The following TIPIN variants were observed in gnomAD, a reference collection of about 807,000 sequenced individuals.
TIPIN encodes TIMELESS interacting protein.
A neutral mutation model predicts 35.6 loss-of-function variants in TIPIN; 29 were observed. That is an observed-to-expected ratio of 0.82 (90% confidence interval 0.61 to 1.11). The LOEUF is 1.11. TIPIN is among the 50% of genes most tolerant of loss of function. The pLI is 0.00. For synonymous variants in TIPIN, 102 were observed against 121.5 expected (o/e 0.84, Z 1.06); for missense variants, 296 against 345.4 (o/e 0.86, Z 1.13).
upstream of TIPIN, among the ~76,000 whole-genome samples, chr15:66,359,170 C>G (rs867655655): frequency 2.6e-5 from 3 of 113,906 alleles, no homozygotes; most frequent in African/African-American, 1.3e-4. Context: ...CACACACACA[C>G]ACAGACACAC....
chr15:66,339,651 T>C (rs1461178428), intron 7 of TIPIN, among the ~76,000 whole-genome samples: 1 of 152,120 alleles, frequency 6.6e-6, no homozygotes, highest in Non-Finnish European at 1.5e-5. Flanking sequence ...GAGGATTGCT[T>C]GAGACTAGAA....
chr15:66,343,654 A>G (rs2093103396), intron 6 of TIPIN, among the ~76,000 whole-genome samples: 1 of 152,200 alleles, frequency 6.6e-6, no homozygotes, highest in Non-Finnish European at 1.5e-5. Flanking sequence ...GGAAATACTG[A>G]TAAGAGTATA....
chr15:66,366,185 G>C (rs547349607), intron 1 of TIPIN, among the ~76,000 whole-genome samples: 5 of 151,712 alleles, frequency 3.3e-5, no homozygotes, highest in East Asian at 3.9e-4. Context: ...GCCGGGCGCA[G>C]TGGCTCACAC....
intron 1 of TIPIN, among the ~76,000 whole-genome samples, chr15:66,374,156 G>C (rs994831648): frequency 4.6e-5 from 7 of 151,652 alleles, no homozygotes; most frequent in Non-Finnish European, 1.0e-4. Flanking sequence ...GGCTAGCCTT[G>C]AACTTCTGGG....
upstream of TIPIN, chr15:66,356,733 C>T: frequency 1.0e-6 from 1 of 985,408 alleles, no homozygotes; most frequent in African/African-American, 1.7e-5. Context: ...GAGAAGGGCC[C>T]GCAGCGTTTG....
Position 66,352,692 on chromosome 15 carries a change from A to C in TIPIN, c.133+123T>G, listed in dbSNP as rs2093176133. The C allele has an allele frequency of 8.5e-6, 9 of 1,054,644 alleles. No homozygotes were observed. In the African/African-American group the frequency reaches 9.6e-5, roughly 11 times the overall value. The allele number at this position is 1,054,644 out of a possible 1,614,324, so 65.3% of individuals were successfully genotyped here. A position where few individuals can be genotyped will look rare whatever the true frequency, so the allele number is the denominator to read the frequency against. On this transcript the variant is annotated intron_variant, in intron 2 of 7. Transcript: ENST00000261881. The stretch of plus-strand genomic sequence containing the variant: ...GAGACGGGATTTCACCATGTTGGCC[A>C]GGCTGGTCTCAAATTCCTGACCTTG...
At chr15:66,353,790 A>G (rs1016774904) in intron 1 of TIPIN, among the ~76,000 whole-genome samples, 4 of 152,022 alleles carry the variant, frequency 2.6e-5, no homozygotes, top group African/African-American at 9.7e-5. Context: ...TGCCTTACTT[A>G]ACTTCTCAAT....
chr15:66,384,418 C>G (rs1319536967), intron 1 of TIPIN, among the ~76,000 whole-genome samples: 1 of 152,042 alleles, frequency 6.6e-6, no homozygotes, highest in African/African-American at 2.4e-5. Context: ...CCTCAGCCTC[C>G]TGAGTAGCTG....
intron 1 of TIPIN, chr15:66,382,821 A>G (rs1431257891): frequency 4.3e-6 from 2 of 470,378 alleles, no homozygotes; most frequent in Non-Finnish European, 5.6e-6. Flanking sequence ...TATATGTTAC[A>G]GTGTTTATTA....
chr15:66,372,093 T>C lies in TIPIN; in HGVS notation c.-9+14514A>G, dbSNP rs28464912. On this transcript the variant is annotated intron_variant, in intron 1 of 7. Transcript: ENST00000562124. ...TACAGGCATAAGCCACTGTGCCTAG[T>C]TGGTAATTGTTTTACTGAAGGGTAA... 9.9e-5 allele frequency among the ~76,000 whole-genome samples: 15 copies of C among 152,246 alleles called. No individual in the cohort carries two copies. The East Asian group carries it at 1.9e-3, about 20-fold the overall frequency.
chr15:66,372,889 C>A (rs763483245), intron 1 of TIPIN, among the ~76,000 whole-genome samples: 4 of 151,136 alleles, frequency 2.6e-5, no homozygotes, highest in African/African-American at 9.7e-5. Flanking sequence ...GGTGACAGAG[C>A]AAGACCCCGT....
At chr15:66,376,953 C>A (rs529757805) in intron 1 of TIPIN, among the ~76,000 whole-genome samples, 5 of 151,214 alleles carry the variant, frequency 3.3e-5, no homozygotes, top group African/African-American at 9.7e-5. Context: ...TACTAACATA[C>A]AAAAATTAGC....
Position 66,352,880 on chromosome 15 carries a change from A to G in TIPIN, c.68T>C (p.Phe23Ser), listed in dbSNP as rs201530827. 6.2e-7 allele frequency: 1 copy of G among 1,614,096 alleles called. No homozygotes were observed. Reference protein sequence around the residue: ...PDYEHVEDETFPPFPPPASPE... With the variant: ...PDYEHVEDETSPPFPPPASPE... ...AGAGGCTGGAGGTGGGAAAGGAGGA[A>G]AAGTTTCATCTTCTACATGCTCATA... is the stretch of plus-strand genomic sequence containing the variant. Residue 23 changes from phenylalanine (F) to serine (S), a missense_variant, in exon 2 of 8, where the codon TTT (phenylalanine) becomes TCT (serine). Transcript: ENST00000261881.
rs562242607 is a variant in TIPIN at position 66,350,332 on chromosome 15, G to A, written c.289-895C>T. Among the ~76,000 whole-genome samples the A allele has an allele frequency of 5.3e-5, 8 of 152,210 alleles. No individual in the cohort carries two copies. The East Asian group carries it at 5.8e-4, about 11-fold the overall frequency. On this transcript the variant is annotated intron_variant, in intron 4 of 7. Coordinates refer to ENST00000261881, the MANE Select transcript of TIPIN (RefSeq NM_017858.3). Reference sequence around the variant, plus strand: ...AAAAACTTAATAAAGTTGGCCAGGCGCAGTGTCTCACGCCTGTAATCCCAG... The same window carrying A: ...AAAAACTTAATAAAGTTGGCCAGGCACAGTGTCTCACGCCTGTAATCCCAG...
At chr15:66,346,997 A>ATGT (rs2093130471) in intron 6 of TIPIN, among the ~76,000 whole-genome samples, 1 of 151,902 alleles carries the variant, frequency 6.6e-6, no homozygotes, top group African/African-American at 2.4e-5. Context: ...GGGTTTCACC[A>ATGT]TGTTAGCCAG....
chr15:66,372,624 G>C (rs1001946479), intron 1 of TIPIN, among the ~76,000 whole-genome samples: 1 of 152,132 alleles, frequency 6.6e-6, no homozygotes, highest in African/African-American at 2.4e-5. Flanking sequence ...ACAATAATAG[G>C]GCCGGGACCT....
chr15:66,370,583 C>A lies in TIPIN; in HGVS notation c.-9+16024G>T, dbSNP rs544433972. Among the ~76,000 whole-genome samples the A allele has an allele frequency of 1.3e-4, 20 of 151,984 alleles. No individual in the cohort carries two copies. The East Asian group carries it at 3.7e-3, about 28-fold the overall frequency. On this transcript the variant is annotated intron_variant, in intron 1 of 7. Transcript: ENST00000562124. ...TCAGTTACTCAATAGGAACAGCTGC[C>A]AAACTCACAGGAGCTTAAAAATCCA...
chr15:66,349,489 C>A (rs367998063), intron 4 of TIPIN, 52 bp from the exon 5 acceptor site: 2 of 1,576,552 alleles, frequency 1.3e-6, no homozygotes, highest in South Asian at 1.2e-5. Flanking sequence ...TCACAGCTGA[C>A]CCCGTCAGCA....
At chr15:66,356,858 G>C (rs1241023463), upstream of TIPIN, 1 of 334,152 alleles carries the variant, frequency 3.0e-6, no homozygotes, top group Admixed American at 6.5e-5. Context: ...GAATTCTTCA[G>C]AGGAACTCAG....
Sources: allele counts gnomAD v4.1 joint callset (sites outside exome capture counted in the v4.1 genomes callset), GRCh38; gene constraint gnomAD v4.1.1; transcripts MANE v1.5; gene names NCBI Gene and HGNC (gene_info 2026-07-23, HGNC 2026-07-21).